TEC: variants seen among roughly 807,000 people sequenced by gnomAD.
TEC encodes tec protein tyrosine kinase.
In TEC, 72 loss-of-function variants were observed where a neutral mutation model predicts 93.0. The ratio of observed to expected loss-of-function variants is 0.77; its 90% confidence interval spans 0.64 to 0.94. TEC has a LOEUF of 0.94. Among genes scored for constraint, TEC ranks in the 40% least tolerant of loss-of-function variants. The probability of loss-of-function intolerance (pLI) is 0.00; values close to 1 mark genes in which losing one functional copy is unlikely to be tolerated. For synonymous variants in TEC, 249 were observed against 247.7 expected, an observed-to-expected ratio of 1.01 and a Z score of -0.05; for missense variants, 630 against 757.9, an observed-to-expected ratio of 0.83 and a Z score of 1.98.
At chr4:48,256,550 G>T (rs1429896463) in intron 1 of TEC, among the ~76,000 whole-genome samples, 1 of 132,942 alleles carries the variant, frequency 7.5e-6, no homozygotes, top group Non-Finnish European at 1.5e-5. Context: ...AGCTGATATT[G>T]TGCCACTGCA....
intron 1 of TEC, among the ~76,000 whole-genome samples, chr4:48,263,155 C>G (rs1434278777): frequency 6.6e-6 from 1 of 152,142 alleles, no homozygotes; most frequent in African/African-American, 2.4e-5. Context: ...CAGCCAGAAA[C>G]AGGAACTTGG....
chr4:48,203,569 G>C (rs184395432), intron 2 of TEC, among the ~76,000 whole-genome samples: 1 of 152,110 alleles, frequency 6.6e-6, no homozygotes, highest in Non-Finnish European at 1.5e-5. Context: ...CCAGACACTG[G>C]GGTCAGGTGC....
intron 15 of TEC, among the ~76,000 whole-genome samples, chr4:48,140,282 T>C (rs1459168370): frequency 6.6e-6 from 1 of 152,232 alleles, no homozygotes; most frequent in Non-Finnish European, 1.5e-5. Context: ...TTTCCGTTCC[T>C]TGAGCAGGCC....
intron 2 of TEC, among the ~76,000 whole-genome samples, chr4:48,184,324 G>A (rs1468934418): frequency 6.6e-6 from 1 of 152,184 alleles, no homozygotes. Flanking sequence ...TTAACTATGT[G>A]CAAACATAAA....
chr4:48,175,039 C>G (rs1337991297), intron 3 of TEC, among the ~76,000 whole-genome samples: 1 of 152,150 alleles, frequency 6.6e-6, no homozygotes, highest in Non-Finnish European at 1.5e-5. Flanking sequence ...GGCAGTTTGG[C>G]CTCAGAGTCA....
intron 9 of TEC, among the ~76,000 whole-genome samples, chr4:48,154,850 G>C (rs773455444): frequency 6.6e-6 from 1 of 152,148 alleles, no homozygotes; most frequent in African/African-American, 2.4e-5. Context: ...AGCCCCTGCT[G>C]AGTCCCCAAC....
chr4:48,212,108 A>ATATATAT (rs1317959461), intron 2 of TEC, among the ~76,000 whole-genome samples: 131 of 86,540 alleles, frequency 1.5e-3, no homozygotes, highest in Admixed American at 4.4e-3. Context: ...CAAAAAAAAA[A>ATATATAT]AAATATATAT....
At chr4:48,232,300 A>C (rs188462211) in intron 1 of TEC, among the ~76,000 whole-genome samples, 51 of 131,570 alleles carry the variant, frequency 3.9e-4, no homozygotes, top group Admixed American at 2.4e-3. Flanking sequence ...AAAAAACAAA[A>C]AAAACAAAAC....
At chr4:48,156,504 C>G (rs1720407037) in intron 9 of TEC, among the ~76,000 whole-genome samples, 176 bp downstream of exon 9, 2 of 152,182 alleles carry the variant, frequency 1.3e-5, no homozygotes, top group East Asian at 3.8e-4. Context: ...TTTCTAGAAA[C>G]TGGATTTGTC....
chr4:48,168,541 G>T (rs763892402), intron 6 of TEC, 45 bp downstream of exon 6: 2 of 1,585,754 alleles, frequency 1.3e-6, no homozygotes, highest in East Asian at 4.5e-5. Flanking sequence ...AGACTTAAAG[G>T]CTTAAAATGT....
At chr4:48,194,478 G>A (rs1052579289) in intron 2 of TEC, among the ~76,000 whole-genome samples, 5 of 152,180 alleles carry the variant, frequency 3.3e-5, no homozygotes, top group African/African-American at 9.7e-5. Context: ...TTTTCTAGAC[G>A]TCTTTAAAAT....
intron 2 of TEC, among the ~76,000 whole-genome samples, chr4:48,226,040 A>G (rs1723449068): frequency 6.6e-6 from 1 of 152,146 alleles, no homozygotes; most frequent in African/African-American, 2.4e-5. Flanking sequence ...AGGCTGCTCC[A>G]AGGCAAGATG....
At chr4:48,226,572 A>G (rs1390894243) in intron 2 of TEC, among the ~76,000 whole-genome samples, 1 of 151,990 alleles carries the variant, frequency 6.6e-6, no homozygotes, top group African/African-American at 2.4e-5. Flanking sequence ...TTGTCTTAAT[A>G]TTTTCTTTTG....
chr4:48,237,275 G>A (rs1429100521), intron 1 of TEC, among the ~76,000 whole-genome samples: 4 of 151,170 alleles, frequency 2.6e-5, no homozygotes, highest in Admixed American at 2.0e-4. Flanking sequence ...AGCCAAGATC[G>A]TGCGACTGCA....
At chr4:48,217,106 ATT>A (rs113196778) in intron 2 of TEC, among the ~76,000 whole-genome samples, 62 of 147,936 alleles carry the variant, frequency 4.2e-4, no homozygotes, top group Non-Finnish European at 7.7e-4. Flanking sequence ...GTAACAAGTG[ATT>A]TTTTTTTTTT....
chr4:48,215,436 G>T lies in TEC; in HGVS notation c.138+13041C>A, dbSNP rs146423786. Among the ~76,000 whole-genome samples the T allele has an allele frequency of 7.1e-3, 1,080 of 152,352 alleles. 19 individuals are homozygous for T. The highest frequency in any genetic ancestry group is 0.025 in the African/African-American group (1,040 of 41,576). ...GCAGGAAAATCACTTGAGCCTGGGA[G>T]GTGGAGACTGCAGTGAGCTGGGATT... On this transcript the variant is annotated intron_variant, in intron 2 of 17. Transcript: ENST00000381501.
intron 2 of TEC, among the ~76,000 whole-genome samples, chr4:48,210,325 T>C (rs1268319524): frequency 1.3e-5 from 2 of 151,730 alleles, no homozygotes; most frequent in Non-Finnish European, 2.9e-5. Context: ...TCTACAAAAC[T>C]AAAAACAAAA....
intron 7 of TEC, among the ~76,000 whole-genome samples, chr4:48,164,904 G>A (rs1187741802): frequency 3.9e-5 from 6 of 152,064 alleles, no homozygotes; most frequent in Non-Finnish European, 8.8e-5. Context: ...TTGGGAGGCC[G>A]AGGCACAAGA....
At chr4:48,250,192 A>C (rs1346171615) in intron 1 of TEC, among the ~76,000 whole-genome samples, 1 of 152,230 alleles carries the variant, frequency 6.6e-6, no homozygotes, top group Non-Finnish European at 1.5e-5. Flanking sequence ...CCAGTATCCA[A>C]GTAAATGGCC....
Sources: gnomAD v4.1 joint callset for allele counts (sites outside exome capture counted in the v4.1 genomes callset) on GRCh38, gnomAD v4.1.1 for gene constraint, MANE v1.5 for transcripts, NCBI Gene and HGNC (gene_info 2026-07-23, HGNC 2026-07-21) for gene names.